HSD17B4: variants seen among roughly 807,000 people sequenced by gnomAD.
HSD17B4 encodes the protein peroxisomal multifunctional enzyme type 2.
HSD17B4 carries 70 observed loss-of-function variants against 101.0 expected under a neutral mutation model. That is an observed-to-expected ratio of 0.69 (90% CI 0.57 to 0.85). HSD17B4 has a LOEUF of 0.85. Ranked by LOEUF, HSD17B4 falls within the 40% of genes least tolerant of loss-of-function variation. The probability of loss-of-function intolerance (pLI) is 0.00; values close to 1 mark genes in which losing one functional copy is unlikely to be tolerated. For missense variants in HSD17B4, 984 were observed against 892.4 expected, an observed-to-expected ratio of 1.10 and a Z score of -1.31; for synonymous variants, 347 against 297.1, an observed-to-expected ratio of 1.17 and a Z score of -1.73.
intron 1 of HSD17B4, among the ~76,000 whole-genome samples, chr5:119,453,481 C>T (rs1580484360): frequency 6.6e-6 from 1 of 152,340 alleles, no homozygotes; most frequent in East Asian, 1.9e-4. Context: ...TGAGATTTTA[C>T]ATTAGTTTCT....
intron 11 of HSD17B4, among the ~76,000 whole-genome samples, chr5:119,494,199 A>G (rs1750382591): frequency 6.6e-6 from 1 of 152,134 alleles, no homozygotes; most frequent in East Asian, 1.9e-4. Flanking sequence ...GGATGGCATA[A>G]GATGTTTACT....
intron 23 of HSD17B4, 150 bp downstream of exon 23, chr5:119,536,700 CA>C: frequency 1.4e-6 from 1 of 727,486 alleles, no homozygotes; most frequent in Non-Finnish European, 2.4e-6. Context: ...CTCTGGTTGA[CA>C]GGTCATATAT....
chr5:119,539,498 G>A (rs1205388269), intron 23 of HSD17B4, among the ~76,000 whole-genome samples: 1 of 151,806 alleles, frequency 6.6e-6, no homozygotes, highest in Non-Finnish European at 1.5e-5. Context: ...ACGAGTTAAC[G>A]GGTGCAGCAC....
chr5:119,540,879 C>T (rs1245808437), intron 23 of HSD17B4, among the ~76,000 whole-genome samples: 3 of 152,162 alleles, frequency 2.0e-5, no homozygotes, highest in Non-Finnish European at 1.5e-5. Flanking sequence ...CTCTGAAATT[C>T]AGTTTCTCAT....
chr5:119,485,951 T>C (rs1749577100), intron 8 of HSD17B4, among the ~76,000 whole-genome samples: 2 of 152,182 alleles, frequency 1.3e-5, no homozygotes, highest in Admixed American at 6.5e-5. Context: ...AGGTCTTTAA[T>C]GATGTTTTAA....
Position 119,509,287 on chromosome 5 carries a change from A to T in HSD17B4, c.1437+43A>T, listed in dbSNP as rs757090349. ...AAGCAAAATATATGTGTAGTTAAGGATTCTTACCTATACAATTGAGACTTG... is the reference window on the plus strand; with the variant it reads ...AAGCAAAATATATGTGTAGTTAAGGTTTCTTACCTATACAATTGAGACTTG... On this transcript the variant is annotated intron_variant, in intron 16 of 23. Transcript: ENST00000510025. 22 of 1,123,166 alleles carry T rather than the reference A, an allele frequency of 2.0e-5. No individual in the cohort carries two copies. In the East Asian group the frequency reaches 4.7e-4, roughly 24 times the overall value. 69.6% of individuals were successfully genotyped at this position (1,123,166 alleles called of 1,614,324 possible).
At chr5:119,473,824 T>C (rs918800591) in intron 2 of HSD17B4, 84 bp from the exon 3 acceptor site, 5 of 827,908 alleles carry the variant, frequency 6.0e-6, no homozygotes, top group Middle Eastern at 2.2e-4. Flanking sequence ...TGCTAGTAAT[T>C]AGAATTTCAT....
At position 119,511,442 on chromosome 5, in the gene HSD17B4, C is replaced by T. The variant is rs186616954; in HGVS notation, c.1437+2198C>T. Among the ~76,000 whole-genome samples, 65 of 152,260 alleles carry T rather than the reference C, an allele frequency of 4.3e-4. 1 individual carries two copies. Among genetic ancestry groups the T allele is most frequent in the African/African-American group, 1.5e-3 (63 of 41,554 alleles). ...AAACCTCAAAGTCTGGCCTCAACGA[C>T]TACCCTTGCAAAGAGGCTTGAATTT... On this transcript the variant is annotated intron_variant, in intron 16 of 23. Coordinates refer to ENST00000510025, the MANE Select transcript of HSD17B4 (RefSeq NM_000414.4).
At chr5:119,465,284 G>C (rs1419059157) in intron 2 of HSD17B4, among the ~76,000 whole-genome samples, 1 of 152,070 alleles carries the variant, frequency 6.6e-6, no homozygotes, top group East Asian at 1.9e-4. Context: ...GTTTGGTATT[G>C]GTTTATATGG....
chr5:119,452,663 C>G, intron 1 of HSD17B4, 30 bp downstream of exon 1: 1 of 1,613,310 alleles, frequency 6.2e-7, no homozygotes, highest in Non-Finnish European at 8.5e-7. Flanking sequence ...AGGCCGCGCC[C>G]CTTGCTGAGG....
intron 17 of HSD17B4, among the ~76,000 whole-genome samples, chr5:119,518,407 C>T (rs946469560): frequency 9.2e-5 from 14 of 152,106 alleles, no homozygotes; most frequent in East Asian, 1.9e-4. Flanking sequence ...TGTGAGGGTC[C>T]GCGGCTTCAT....
At chr5:119,521,805 A>G (rs559926511) in intron 17 of HSD17B4, among the ~76,000 whole-genome samples, 2 of 151,514 alleles carry the variant, frequency 1.3e-5, no homozygotes, top group South Asian at 2.1e-4. Flanking sequence ...TTTGTTTTAC[A>G]TCCCCAAATG....
intron 2 of HSD17B4, among the ~76,000 whole-genome samples, chr5:119,457,630 G>T (rs1754805621): frequency 6.6e-6 from 1 of 151,776 alleles, no homozygotes; most frequent in Non-Finnish European, 1.5e-5. Context: ...TCATGTTGAG[G>T]CCTAAAGACA....
intron 17 of HSD17B4, among the ~76,000 whole-genome samples, chr5:119,516,477 T>A (rs570924334): frequency 2.0e-5 from 3 of 152,160 alleles, no homozygotes; most frequent in Non-Finnish European, 2.9e-5. Flanking sequence ...ACTAAAACTT[T>A]TTGTTAGTTT....
chr5:119,525,753 C>G, intron 18 of HSD17B4, 164 bp from the exon 19 acceptor site: 1 of 535,582 alleles, frequency 1.9e-6, no homozygotes, highest in Non-Finnish European at 3.3e-6. Flanking sequence ...ATAATTTCCT[C>G]CCAGGAAATA....
chr5:119,513,122 A>G (rs920413258), intron 16 of HSD17B4, among the ~76,000 whole-genome samples: 3 of 152,190 alleles, frequency 2.0e-5, no homozygotes, highest in Non-Finnish European at 4.4e-5. Context: ...TTAAATGGGT[A>G]TTATTTACGT....
At chr5:119,529,702 G>T (rs1358169324) in intron 20 of HSD17B4, among the ~76,000 whole-genome samples, 192 bp from the exon 21 acceptor site, 3 of 152,102 alleles carry the variant, frequency 2.0e-5, no homozygotes. Flanking sequence ...AGTAACAGTT[G>T]TATTAAATCA....
intron 8 of HSD17B4, among the ~76,000 whole-genome samples, chr5:119,488,686 A>G (rs961967107): frequency 1.3e-5 from 2 of 152,140 alleles, no homozygotes; most frequent in Non-Finnish European, 2.9e-5. Flanking sequence ...TACTTTGTGC[A>G]CTCACCAGTG....
At chr5:119,491,814 A>G (rs1231545119) in intron 9 of HSD17B4, among the ~76,000 whole-genome samples, 1 of 152,184 alleles carries the variant, frequency 6.6e-6, no homozygotes. Flanking sequence ...TGGCCAGGGT[A>G]GTCAGTAGAC....
Sources: allele counts gnomAD v4.1 joint callset (sites outside exome capture counted in the v4.1 genomes callset), GRCh38; gene constraint gnomAD v4.1.1; transcripts MANE v1.5; gene names NCBI Gene and HGNC (gene_info 2026-07-23, HGNC 2026-07-21).